PTPN3: variants seen among roughly 807,000 people sequenced by gnomAD.
PTPN3 encodes tyrosine-protein phosphatase non-receptor type 3.
In PTPN3, 96 loss-of-function variants were observed where a neutral mutation model predicts 132.7. The observed-to-expected ratio is 0.72, with a 90% confidence interval of 0.61 to 0.86. The LOEUF (loss-of-function observed/expected upper bound fraction) is 0.86. Ranked by LOEUF, PTPN3 falls within the 40% of genes least tolerant of loss-of-function variation. The pLI is 0.00. For synonymous variants in PTPN3, 398 were observed against 429.0 expected (o/e 0.93, Z 0.89); for missense variants, 1,125 against 1,159.6 (o/e 0.97, Z 0.43).
At chr9:109,433,749 A>G (rs995278299) in intron 9 of PTPN3, among the ~76,000 whole-genome samples, 1 of 152,024 alleles carries the variant, frequency 6.6e-6, no homozygotes, top group Admixed American at 6.6e-5. Flanking sequence ...CTACAAAACA[A>G]TACAAAAAAT....
intron 6 of PTPN3, among the ~76,000 whole-genome samples, chr9:109,447,182 A>G (rs541812970): frequency 6.6e-6 from 1 of 152,308 alleles, no homozygotes; most frequent in East Asian, 1.9e-4. Context: ...TTTGGAGAAG[A>G]AAAACTGAAG....
the PTPN3 span, among the ~76,000 whole-genome samples, chr9:109,533,128 T>TTTC: frequency 3.8e-5 from 1 of 26,322 alleles, no homozygotes; most frequent in Non-Finnish European, 9.6e-5. Flanking sequence ...CCTGGCTAAT[T>TTTC]TTTTTTTTTT....
chr9:109,382,502 C>G (rs1018800765), intron 23 of PTPN3, 55 bp from the exon 24 acceptor site: 2 of 1,593,354 alleles, frequency 1.3e-6, no homozygotes, highest in East Asian at 2.2e-5. Context: ...GCATGAGGAC[C>G]CAGCCCCAAC....
intron 1 of PTPN3, among the ~76,000 whole-genome samples, chr9:109,491,199 CAA>C (rs377168790): frequency 1.4e-3 from 169 of 118,138 alleles, no homozygotes; most frequent in East Asian, 0.013. Flanking sequence ...CACTCTCTCT[CAA>C]AAAAAAAAAA....
intron 17 of PTPN3, among the ~76,000 whole-genome samples, chr9:109,407,591 C>T (rs1366512772): frequency 6.6e-6 from 1 of 152,138 alleles, no homozygotes; most frequent in African/African-American, 2.4e-5. Flanking sequence ...GTCGCTCAGG[C>T]TGGAGTACAG....
At chr9:109,487,486 G>A (rs909868129) in intron 1 of PTPN3, among the ~76,000 whole-genome samples, 3 of 152,238 alleles carry the variant, frequency 2.0e-5, no homozygotes, top group Non-Finnish European at 4.4e-5. Flanking sequence ...GGCCTCACCA[G>A]AGGCTCTGAT....
chr9:109,393,560 T>C (rs921813019), intron 19 of PTPN3, among the ~76,000 whole-genome samples: 1 of 152,008 alleles, frequency 6.6e-6, no homozygotes, highest in African/African-American at 2.4e-5. Flanking sequence ...TTAATTTTTG[T>C]ATTTTTAGTA....
intron 2 of PTPN3, among the ~76,000 whole-genome samples, chr9:109,462,846 C>A (rs374601916): frequency 1.3e-4 from 20 of 152,074 alleles, no homozygotes; most frequent in African/African-American, 4.8e-4. Flanking sequence ...GGAAACAACA[C>A]CCTTTCTATT....
chr9:109,385,370 C>T (rs146656839), intron 22 of PTPN3, among the ~76,000 whole-genome samples: 371 of 152,244 alleles, frequency 2.4e-3, no homozygotes, highest in South Asian at 4.4e-3. Context: ...GCTGCTGCAG[C>T]GAGGGGCGAT....
chr9:109,397,695 C>T (rs1336946678), intron 19 of PTPN3: 1 of 152,184 alleles, frequency 6.6e-6, no homozygotes, highest in Non-Finnish European at 1.5e-5. Context: ...TTCCATAGTG[C>T]CCCTTTCCAG....
At chr9:109,415,081 T>TCCGTCCGTCCATCCAA (rs1842386690) in intron 14 of PTPN3, among the ~76,000 whole-genome samples, 1 of 57,620 alleles carries the variant, frequency 1.7e-5, no homozygotes, top group Non-Finnish European at 4.3e-5. Flanking sequence ...CATCCAACCA[T>TCCGTCCGTCCATCCAA]CCATCCATCC....
chr9:109,389,193 T>C, intron 22 of PTPN3, 40 bp downstream of exon 22: 1 of 1,609,142 alleles, frequency 6.2e-7, no homozygotes, highest in Non-Finnish European at 8.5e-7. Flanking sequence ...GAGTAGGGTG[T>C]GACACTGCAC....
At position 109,404,455 on chromosome 9, in the gene PTPN3, T is replaced by A. The variant is rs780927849; in HGVS notation, c.1946A>T (p.Gln649Leu). The change falls in exon 19 of 26, where the codon CAG becomes CTG. Residue 649 changes from glutamine to leucine, a missense_variant. Transcript: ENST00000374541. ...GCCTCCAGAGGGTCTTACCTCAAAC[T>A]GGATCAGCACCGTCCCGCTTTCGAG... ...KGLESGTVLI[Q>L]FEQLYRKKPG... is the part of the protein sequence containing the mutation. 2 of 1,449,364 alleles carry A rather than the reference T, an allele frequency of 1.4e-6. No individual in the cohort carries two copies. Among genetic ancestry groups the A allele is most frequent in the Non-Finnish European group, 9.3e-7 (1 of 1,080,602 alleles). 89.8% of individuals were successfully genotyped at this position (1,449,364 alleles called of 1,614,324 possible).
intron 2 of PTPN3, among the ~76,000 whole-genome samples, chr9:109,459,477 G>A (rs1434553058): frequency 1.3e-5 from 2 of 152,212 alleles, no homozygotes; most frequent in Non-Finnish European, 2.9e-5. Context: ...GAAGCTTGGG[G>A]TGGCAGCCAC....
the PTPN3 span, among the ~76,000 whole-genome samples, chr9:109,519,348 G>GT: frequency 6.6e-6 from 1 of 152,232 alleles, no homozygotes; most frequent in Admixed American, 6.5e-5. Flanking sequence ...TAATGTAAGT[G>GT]TTTCAAGCAT....
the PTPN3 span, among the ~76,000 whole-genome samples, chr9:109,505,012 A>G: frequency 1.3e-5 from 2 of 152,252 alleles, no homozygotes; most frequent in Admixed American, 6.5e-5. Context: ...AATGTAGAAT[A>G]GTCATACAGT....
intron 23 of PTPN3, 26 bp from the exon 24 acceptor site, chr9:109,382,473 G>A (rs1839189420): frequency 4.3e-6 from 7 of 1,613,036 alleles, no homozygotes; most frequent in Non-Finnish European, 5.9e-6. Flanking sequence ...TGGCCTTGGT[G>A]AGCCCATCCA....
chr9:109,495,726 T>C (rs1847640068), intron 1 of PTPN3, among the ~76,000 whole-genome samples: 2 of 152,228 alleles, frequency 1.3e-5, no homozygotes, highest in South Asian at 4.1e-4. Context: ...CTTGCCTCCC[T>C]AACCAGGTCT....
At chr9:109,491,219 T>C (rs1238425231) in intron 1 of PTPN3, among the ~76,000 whole-genome samples, 1 of 151,202 alleles carries the variant, frequency 6.6e-6, no homozygotes, top group Non-Finnish European at 1.5e-5. Context: ...AAAAAAAGTA[T>C]ATAAAACTTG....
Sources: allele counts gnomAD v4.1 joint callset (sites outside exome capture counted in the v4.1 genomes callset), GRCh38; gene constraint gnomAD v4.1.1; transcripts MANE v1.5; gene names NCBI Gene and HGNC (gene_info 2026-07-23, HGNC 2026-07-21).